Variants in KCNIP1 observed in about 807,000 individuals in gnomAD.
KCNIP1 encodes the protein potassium voltage-gated channel interacting protein 1, also known as A-type potassium channel modulatory protein KCNIP1.
In KCNIP1, 18 loss-of-function variants were observed where a neutral mutation model predicts 33.0. The observed-to-expected ratio is 0.55, with a 90% CI of 0.38 to 0.81. KCNIP1 has a LOEUF of 0.81. KCNIP1 is among the 30% of genes least tolerant of loss of function. The pLI is 0.00. For synonymous variants in KCNIP1, 93 were observed against 98.3 expected (o/e 0.95, Z 0.32); for missense variants, 238 against 271.6 (o/e 0.88, Z 0.87).
chr5:170,536,713 G>A (rs907180036), intron 1 of KCNIP1, among the ~76,000 whole-genome samples: 2 of 152,070 alleles, frequency 1.3e-5, no homozygotes, highest in Non-Finnish European at 2.9e-5. Flanking sequence ...GTGATTTAAC[G>A]CTCTCTCACT....
intron 1 of KCNIP1, among the ~76,000 whole-genome samples, chr5:170,640,827 C>G (rs531224457): frequency 6.6e-6 from 1 of 152,138 alleles, no homozygotes; most frequent in Non-Finnish European, 1.5e-5. Flanking sequence ...GGGGGGACAC[C>G]TCACAGAAGG....
intron 1 of KCNIP1, among the ~76,000 whole-genome samples, chr5:170,714,346 G>A (rs2113861019): frequency 6.6e-6 from 1 of 152,350 alleles, no homozygotes; most frequent in South Asian, 2.1e-4. Flanking sequence ...AAGGGGCCTG[G>A]ACTGGCTGGA....
At position 170,390,517 on chromosome 5, in the gene KCNIP1, A is replaced by AAAAAAAAAAAAAAAAATATATAT; in HGVS notation, c.88+36554_88+36555insAAAAAAAAAAAAAAATATATATA. Among the ~76,000 whole-genome samples the AAAAAAAAAAAAAAAAATATATAT allele has an allele frequency of 1.7e-3, 124 of 74,458 alleles. 6 individuals carry two copies. Among genetic ancestry groups the AAAAAAAAAAAAAAAAATATATAT allele is most frequent in the Non-Finnish European group, 1.9e-3 (77 of 40,166 alleles). 48.8% of individuals were successfully genotyped at this position (74,458 alleles called of 152,430 possible). A position where few individuals can be genotyped will look rare whatever the true frequency, so the allele number is the denominator to read the frequency against. Reference sequence around the variant, plus strand: ...GACCCCGTCTCAAAAAAAAAAAACAAATATATATATATATATATATATTTT... The same window carrying AAAAAAAAAAAAAAAAATATATAT: ...GACCCCGTCTCAAAAAAAAAAAACAAAAAAAAAAAAAAAAAATATATATATATATATATATATATATATATTTT... On this transcript the variant is annotated intron_variant, in intron 1 of 7. Transcript: ENST00000377360.
At chr5:170,424,916 C>T (rs59293671) in intron 1 of KCNIP1, among the ~76,000 whole-genome samples, 7,756 of 152,280 alleles carry the variant, frequency 0.051, 291 homozygotes, top group East Asian at 0.16. Flanking sequence ...TGGCTTCTTT[C>T]TGGTCTTCAG....
chr5:170,623,210 C>CTT (rs59210675), intron 1 of KCNIP1, among the ~76,000 whole-genome samples: 405 of 148,114 alleles, frequency 2.7e-3, no homozygotes, highest in Non-Finnish European at 4.3e-3. Context: ...CGACCCCTGT[C>CTT]TTTTTTTTTT....
chr5:170,396,236 G>A (rs1009590478), intron 1 of KCNIP1, among the ~76,000 whole-genome samples: 2 of 152,220 alleles, frequency 1.3e-5, no homozygotes, highest in Non-Finnish European at 2.9e-5. Flanking sequence ...CTGAGGGAAG[G>A]GAGCTCTGTC....
Position 170,489,769 on chromosome 5 carries a change from G to A in KCNIP1, c.88+135805G>A, listed in dbSNP as rs936026076. On this transcript the variant is annotated intron_variant, in intron 1 of 7. Coordinates refer to the KCNIP1 transcript ENST00000377360. The surrounding 1 kb of genome is among the most constrained non-coding windows in gnomAD (Gnocchi z 4.3). ...GGAGCTATCCTGGGGAATGAAGCCT[G>A]AGGCTAAAACCTATGCCCTATTTCC... Among the ~76,000 whole-genome samples the A allele has an allele frequency of 2.4e-4, 37 of 152,338 alleles. No homozygotes were observed. Among genetic ancestry groups the A allele is most frequent in the Admixed American group, 9.8e-4 (15 of 15,308 alleles).
chr5:170,724,471 A>G (rs1221014190), intron 5 of KCNIP1, among the ~76,000 whole-genome samples: 1 of 152,120 alleles, frequency 6.6e-6, no homozygotes, highest in African/African-American at 2.4e-5. Flanking sequence ...AGGTTGGTTT[A>G]ACATTCAAAA....
At position 170,378,862 on chromosome 5, in the gene KCNIP1, G is replaced by A. The variant is rs76348543; in HGVS notation, c.88+24898G>A. 6,230 of 1,614,238 alleles carry A rather than the reference G, an allele frequency of 3.9e-3. 193 individuals are homozygous for A. In the African/African-American group the frequency reaches 0.072, roughly 19 times the overall value. The stretch of plus-strand genomic sequence containing the variant: ...AATAGGACGCTGGTTTCGTTCCCCC[G>A]AGGTGCGGAGAAGCAGTAGAAGACC... On this transcript the variant is annotated intron_variant, in intron 1 of 7. Coordinates refer to the KCNIP1 transcript ENST00000377360.
chr5:170,450,772 C>G lies in KCNIP1; in HGVS notation c.88+96808C>G, dbSNP rs533086809. On this transcript the variant is annotated intron_variant, in intron 1 of 7. Transcript: ENST00000377360. ...GTTTTCAGAATGTCTCCCCTGGCCA[C>G]GCAGGATCCCTTCCATTTTGAGGCT... Among the ~76,000 whole-genome samples, 5 of 152,300 alleles carry G rather than the reference C, an allele frequency of 3.3e-5. No individual in the cohort carries two copies. In the East Asian group the frequency reaches 5.8e-4, roughly 18 times the overall value.
chr5:170,431,771 C>T (rs2113447618), intron 1 of KCNIP1, among the ~76,000 whole-genome samples: 1 of 152,368 alleles, frequency 6.6e-6, no homozygotes, highest in South Asian at 2.1e-4. Context: ...CCCGCCAAGG[C>T]TCTGCCACCT....
chr5:170,397,486 C>T (rs1183698146), intron 1 of KCNIP1, among the ~76,000 whole-genome samples: 1 of 146,978 alleles, frequency 6.8e-6, no homozygotes, highest in Non-Finnish European at 1.5e-5. Flanking sequence ...GGCTTGAGCA[C>T]ATGGGGACTC....
At chr5:170,564,753 CT>C (rs1757148676) in intron 1 of KCNIP1, among the ~76,000 whole-genome samples, 3 of 152,252 alleles carry the variant, frequency 2.0e-5, no homozygotes, top group African/African-American at 7.2e-5. Flanking sequence ...TTTTATGAAA[CT>C]TTTTTTCTGT....
chr5:170,511,306 G>A (rs185557501), intron 1 of KCNIP1, among the ~76,000 whole-genome samples: 36 of 152,376 alleles, frequency 2.4e-4, no homozygotes, highest in African/African-American at 7.7e-4. Context: ...TGCACACCAG[G>A]TGAGTTGGCA....
At chr5:170,670,915 A>AAT (rs1554109780) in intron 1 of KCNIP1, among the ~76,000 whole-genome samples, 11,154 of 138,814 alleles carry the variant, frequency 0.08, 531 homozygotes, top group Middle Eastern at 0.15. Flanking sequence ...AAAAAAAAAT[A>AAT]AAAAAAAAAG....
rs183180511 is a variant in KCNIP1 at position 170,595,896 on chromosome 5, C to T, written c.61+91263C>T. Among the ~76,000 whole-genome samples, 253 of 152,214 alleles carry T rather than the reference C, an allele frequency of 1.7e-3. 2 individuals are homozygous for T. Among genetic ancestry groups the T allele is most frequent in the Admixed American group, 0.013 (201 of 15,288 alleles). ...TAGACAATATGTTTGACATGCAAGA[C>T]GCTCTGCTAACCTTAATGAAGGTGT... On this transcript the variant is annotated intron_variant, in intron 1 of 7. Coordinates refer to ENST00000328939, the MANE Select transcript of KCNIP1 (RefSeq NM_014592.4).
At chr5:170,363,621 C>T (rs1055693883) in intron 1 of KCNIP1, among the ~76,000 whole-genome samples, 2 of 152,174 alleles carry the variant, frequency 1.3e-5, no homozygotes, top group African/African-American at 2.4e-5. Flanking sequence ...CTGCGACATT[C>T]GATTATGGCA....
At chr5:170,566,737 C>A (rs1299661007) in intron 1 of KCNIP1, among the ~76,000 whole-genome samples, 3 of 152,258 alleles carry the variant, frequency 2.0e-5, no homozygotes, top group Non-Finnish European at 2.9e-5. Context: ...TTAAACAGGT[C>A]CCTGGTTGTC....
At chr5:170,666,575 G>C (rs982361252) in intron 1 of KCNIP1, among the ~76,000 whole-genome samples, 1 of 152,176 alleles carries the variant, frequency 6.6e-6, no homozygotes, top group Non-Finnish European at 1.5e-5. Flanking sequence ...AAAAGAATAA[G>C]AATGAAAATA....
Sources: gnomAD v4.1 joint callset for allele counts (sites outside exome capture counted in the v4.1 genomes callset) on GRCh38, gnomAD v4.1.1 for gene constraint, Gnocchi (gnomAD v3.1) non-coding constraint, MANE v1.5 for transcripts, NCBI Gene and HGNC (gene_info 2026-07-23, HGNC 2026-07-21) for gene names.